The following VPS13A variants were observed in gnomAD, a reference collection of about 807,000 sequenced individuals.
VPS13A encodes the protein intermembrane lipid transfer protein VPS13A.
VPS13A carries 264 observed loss-of-function variants against 390.9 expected under a neutral mutation model. That is an observed-to-expected ratio of 0.68 (90% CI 0.61 to 0.75). The LOEUF (loss-of-function observed/expected upper bound fraction) is 0.75. Among genes scored for constraint, VPS13A ranks in the 30% least tolerant of loss-of-function variants. The pLI, the probability that VPS13A is intolerant of heterozygous loss-of-function variation, is 0.00. For synonymous variants in VPS13A, 1,231 were observed against 1,227.1 expected (o/e 1.00, Z -0.07); for missense variants, 3,409 against 3,733.9 (o/e 0.91, Z 2.27).
Position 77,353,505 on chromosome 9 carries a change from A to G in VPS13A, c.7516A>G (p.Arg2506Gly), listed in dbSNP as rs753294079. The change falls in exon 54 of 72, where the codon AGG (arginine) becomes GGG (glycine). Residue 2506 changes from arginine to glycine, a missense_variant. This residue lies in a region of VPS13A where 221 missense variants were observed against 300.7 expected (regional missense o/e 0.73). Transcript: ENST00000360280. ...QRIILFTEDPRVFKVTYESEK... is the reference protein window; with the variant it reads ...QRIILFTEDPGVFKVTYESEK... ...CATTATTTTATTCACTGAAGATCCA[A>G]GGGTATTTAAAGTAACATATGAAAG... 1.2e-6 allele frequency: 2 copies of G among 1,613,496 alleles called. No homozygotes were observed. Among genetic ancestry groups the G allele is most frequent in the Non-Finnish European group, 1.7e-6 (2 of 1,179,624 alleles).
Position 77,370,479 on chromosome 9 carries a change from C to A in VPS13A, c.8808C>A (p.Thr2936=). ...GAMAKGVAAM[T]MDEDYQQKRR... ...TGGCTAAGGGGGTAGCAGCTATGAC[C>A]ATGGATGAAGACTACCAACAGAAGA... The change falls in exon 65 of 72, where the codon ACC becomes ACA. Residue 2936 remains threonine, a synonymous_variant. Transcript: ENST00000360280. The A allele has an allele frequency of 6.2e-7, 1 of 1,614,082 alleles. No individual in the cohort carries two copies. The highest frequency in any genetic ancestry group is 8.5e-7 in the Non-Finnish European group (1 of 1,180,016).
chr9:77,399,512 C>T (rs2131641495), intron 68 of VPS13A, among the ~76,000 whole-genome samples: 1 of 147,828 alleles, frequency 6.8e-6, no homozygotes, highest in Non-Finnish European at 1.5e-5. Flanking sequence ...TTGGAATAAA[C>T]CATAGCTTTT....
intron 23 of VPS13A, 140 bp from the exon 24 acceptor site, chr9:77,273,140 T>C (rs1010595412): frequency 4.5e-6 from 3 of 660,304 alleles, no homozygotes; most frequent in Non-Finnish European, 7.7e-6. Context: ...TTTTCTAATT[T>C]AAACCTGATT....
chr9:77,322,295 A>G (rs2131452442), intron 44 of VPS13A, among the ~76,000 whole-genome samples: 1 of 151,786 alleles, frequency 6.6e-6, no homozygotes, highest in Middle Eastern at 3.4e-3. Context: ...TGAAATATAT[A>G]CATTCTTAAA....
At chr9:77,179,808 G>A (rs996287544) in intron 1 of VPS13A, among the ~76,000 whole-genome samples, 1 of 150,388 alleles carries the variant, frequency 6.6e-6, no homozygotes, top group African/African-American at 2.4e-5. Flanking sequence ...CTCTCATTCC[G>A]GAATATTTCA....
chr9:77,384,148 G>A (rs1833577286), intron 68 of VPS13A, among the ~76,000 whole-genome samples: 1 of 151,380 alleles, frequency 6.6e-6, no homozygotes, highest in Non-Finnish European at 1.5e-5. Flanking sequence ...ACTTTCAAAT[G>A]TTTCTCATGT....
intron 22 of VPS13A, among the ~76,000 whole-genome samples, chr9:77,255,336 A>G (rs1338788048): frequency 6.6e-6 from 1 of 152,024 alleles, no homozygotes; most frequent in African/African-American, 2.4e-5. Context: ...ATATTAAATC[A>G]TATTTCTTGA....
intron 68 of VPS13A, among the ~76,000 whole-genome samples, chr9:77,390,935 ATATAT>A (rs1366972893): frequency 2.0e-5 from 3 of 152,172 alleles, no homozygotes; most frequent in Admixed American, 6.6e-5. Flanking sequence ...AAATTTGTAA[ATATAT>A]TAAGAAAGGA....
At chr9:77,193,959 G>A (rs1824836586) in intron 1 of VPS13A, among the ~76,000 whole-genome samples, 1 of 152,112 alleles carries the variant, frequency 6.6e-6, no homozygotes, top group African/African-American at 2.4e-5. Flanking sequence ...TTAGGACTAG[G>A]CACATGACTT....
At chr9:77,415,815 GC>G in intron 71 of VPS13A, 140 bp from the exon 72 acceptor site, 1 of 916,066 alleles carries the variant, frequency 1.1e-6, no homozygotes, top group South Asian at 1.4e-5. Flanking sequence ...GATCTCTTTT[GC>G]AGGATGAATT....
rs1835307380 is a variant in VPS13A at position 77,420,370 on chromosome 9, C to T, written c.*4364C>T. 2 of 151,936 alleles carry T rather than the reference C, an allele frequency of 1.3e-5. No individual in the cohort carries two copies. Among genetic ancestry groups the T allele is most frequent in the South Asian group, 4.2e-4 (2 of 4,816 alleles). The allele number at this position is 151,936 out of a possible 1,614,324, so 9.4% of individuals were successfully genotyped here. A position where few individuals can be genotyped will look rare whatever the true frequency, so the allele number is the denominator to read the frequency against. ...TCACTCATGTTTCTTTTATTGAAAC[C>T]TTTTTCTACTTTATATTTCCTCTTT... On this transcript the variant is annotated 3_prime_UTR_variant, in exon 72 of 72. Coordinates refer to ENST00000360280, the MANE Select transcript of VPS13A (RefSeq NM_033305.3).
At position 77,177,668 on chromosome 9, in the gene VPS13A, C is replaced by T; in HGVS notation, c.-37C>T. ...GGGGAAGGCGGCGGGAGGAGGAGCGCACGGGCCGGCTGCCGTGCCCACCAC... is the reference window on the plus strand; with the variant it reads ...GGGGAAGGCGGCGGGAGGAGGAGCGTACGGGCCGGCTGCCGTGCCCACCAC... On this transcript the variant is annotated 5_prime_UTR_variant, in exon 1 of 72. Coordinates refer to ENST00000360280, the MANE Select transcript of VPS13A (RefSeq NM_033305.3). 1 of 1,589,184 alleles carries T rather than the reference C, an allele frequency of 6.3e-7. No homozygotes were observed. Among genetic ancestry groups the T allele is most frequent in the Non-Finnish European group, 8.6e-7 (1 of 1,160,576 alleles).
intron 23 of VPS13A, among the ~76,000 whole-genome samples, chr9:77,272,631 T>G (rs908534771): frequency 2.0e-5 from 3 of 152,244 alleles, no homozygotes; most frequent in Admixed American, 6.5e-5. Flanking sequence ...AACGATGCAT[T>G]ATTTAGATAA....
At chr9:77,255,660 G>A (rs915643548) in intron 22 of VPS13A, among the ~76,000 whole-genome samples, 4 of 151,988 alleles carry the variant, frequency 2.6e-5, no homozygotes, top group African/African-American at 9.7e-5. Flanking sequence ...TTCTTTATTG[G>A]GAGGTTTTTG....
chr9:77,407,119 T>C (rs11145414), intron 70 of VPS13A, among the ~76,000 whole-genome samples: 15,759 of 152,252 alleles, frequency 0.1, 850 homozygotes, highest in Middle Eastern at 0.13. Context: ...TATGTGTTTA[T>C]GTACGTATGC....
At chr9:77,202,385 A>G (rs752593779) in intron 3 of VPS13A, among the ~76,000 whole-genome samples, 1 of 152,116 alleles carries the variant, frequency 6.6e-6, no homozygotes, top group East Asian at 1.9e-4. Context: ...TTACAAGTTT[A>G]TATGTATTGA....
At chr9:77,360,487 A>G (rs1218303593) in intron 58 of VPS13A, 49 bp from the exon 59 acceptor site, 1 of 1,331,314 alleles carries the variant, frequency 7.5e-7, no homozygotes. Flanking sequence ...TTTGTAATAC[A>G]GTTGTTAATT....
intron 45 of VPS13A, among the ~76,000 whole-genome samples, chr9:77,324,777 AG>A (rs1829919083): frequency 6.9e-6 from 1 of 144,296 alleles, no homozygotes; most frequent in Admixed American, 6.8e-5. Context: ...CCTGGGTTTA[AG>A]CAATCCTCCT....
intron 54 of VPS13A, 121 bp downstream of exon 54, chr9:77,353,762 G>A (rs1400921312): frequency 3.1e-6 from 3 of 967,196 alleles, no homozygotes; most frequent in African/African-American, 1.6e-5. Context: ...CATTGATACT[G>A]TGGTAGTGCT....
Sources: allele counts gnomAD v4.1 joint callset (sites outside exome capture counted in the v4.1 genomes callset), GRCh38; gene constraint gnomAD v4.1.1; regional missense constraint gnomAD v4.1.1; transcripts MANE v1.5; gene names NCBI Gene and HGNC (gene_info 2026-07-23, HGNC 2026-07-21).